SNAP25: variants seen among roughly 807,000 people sequenced by gnomAD.
SNAP25 encodes synaptosomal-associated protein 25.
In SNAP25, 3 loss-of-function variants were observed where a neutral mutation model predicts 28.7. The ratio of observed to expected loss-of-function variants is 0.10; its 90% CI spans 0.05 to 0.27. SNAP25 has a LOEUF of 0.27. SNAP25 is among the 10% of genes least tolerant of loss of function. The pLI is 1.00. For synonymous variants in SNAP25, 61 were observed against 88.1 expected, an observed-to-expected ratio of 0.69 and a Z score of 1.72; for missense variants, 117 against 278.7, an observed-to-expected ratio of 0.42 and a Z score of 4.13.
At chr20:10,266,675 ACTTAT>A (rs1196271720) in intron 1 of SNAP25, among the ~76,000 whole-genome samples, 1 of 152,244 alleles carries the variant, frequency 6.6e-6, no homozygotes, top group East Asian at 1.9e-4. Context: ...TGGTAGCAAC[ACTTAT>A]CTTCAATATT....
chr20:10,301,653 C>A (rs2064238930), intron 7 of SNAP25, among the ~76,000 whole-genome samples: 1 of 151,878 alleles, frequency 6.6e-6, no homozygotes, highest in Non-Finnish European at 1.5e-5. Flanking sequence ...TCTCTCATGA[C>A]CCCAACAGCA....
intron 1 of SNAP25, among the ~76,000 whole-genome samples, chr20:10,226,919 C>T (rs80072526): frequency 0.011 from 1,703 of 152,178 alleles, 21 homozygotes; most frequent in South Asian, 0.039. Flanking sequence ...TTCTGCCGCT[C>T]ATGGGAGGAA....
chr20:10,225,877 T>C (rs2062726671), intron 1 of SNAP25, among the ~76,000 whole-genome samples: 1 of 152,102 alleles, frequency 6.6e-6, no homozygotes. Context: ...CCTTTACTGA[T>C]AACAGCAAGT....
At chr20:10,226,915 C>T (rs982040348) in intron 1 of SNAP25, among the ~76,000 whole-genome samples, 166 of 152,156 alleles carry the variant, frequency 1.1e-3, no homozygotes, top group Non-Finnish European at 2.9e-4. Flanking sequence ...CACTTTCTGC[C>T]GCTCATGGGA....
intron 3 of SNAP25, chr20:10,278,045 A>G (rs1003312272): frequency 1.4e-5 from 3 of 214,728 alleles, no homozygotes; most frequent in African/African-American, 6.8e-5. Flanking sequence ...AATTCTTAAT[A>G]TACAAAGGAA....
intron 1 of SNAP25, among the ~76,000 whole-genome samples, chr20:10,246,191 A>G (rs2063124240): frequency 6.6e-6 from 1 of 152,236 alleles, no homozygotes; most frequent in African/African-American, 2.4e-5. Flanking sequence ...TGTTTCAAAG[A>G]CAGGGTCTCA....
At chr20:10,289,358 A>G (rs2063949330) in intron 4 of SNAP25, among the ~76,000 whole-genome samples, 1 of 152,050 alleles carries the variant, frequency 6.6e-6, no homozygotes. Context: ...GCTGAGTTGT[A>G]TGTCTGTTTT....
At chr20:10,259,214 A>G (rs2063369990) in intron 1 of SNAP25, among the ~76,000 whole-genome samples, 1 of 152,208 alleles carries the variant, frequency 6.6e-6, no homozygotes, top group Non-Finnish European at 1.5e-5. Context: ...GTTTTTTGAT[A>G]TGAGATTATC....
chr20:10,294,570 A>G (rs535915839), intron 5 of SNAP25, among the ~76,000 whole-genome samples: 3 of 152,314 alleles, frequency 2.0e-5, no homozygotes, highest in South Asian at 4.1e-4. Flanking sequence ...CAACTTCCAC[A>G]TCTATGAGGA....
intron 1 of SNAP25, chr20:10,219,342 A>G (rs2062578377): frequency 6.6e-6 from 1 of 152,182 alleles, no homozygotes; most frequent in African/African-American, 2.4e-5. Context: ...TAACCCTATT[A>G]TTATGACTGT....
Position 10,306,251 on chromosome 20 carries a change from T to C in SNAP25, c.*54T>C. On this transcript the variant is annotated 3_prime_UTR_variant, in exon 8 of 8. Coordinates refer to ENST00000254976, the MANE Select transcript of SNAP25 (RefSeq NM_130811.4). ...GCTGTCGGGCAAGATAGCTCCTTCA[T>C]GCTTTTCTCATGGTATTATCTAGTA... 9.1e-6 allele frequency: 14 copies of C among 1,539,576 alleles called. No homozygotes were observed. The highest frequency in any genetic ancestry group is 1.7e-4 in the Middle Eastern group (1 of 5,918).
At chr20:10,243,440 T>C (rs1055179380) in intron 1 of SNAP25, among the ~76,000 whole-genome samples, 1 of 152,206 alleles carries the variant, frequency 6.6e-6, no homozygotes, top group African/African-American at 2.4e-5. Context: ...CCAGGACCAA[T>C]CTGGGGCACC....
In SNAP25 at chr20:10,300,016, G is replaced by A. The variant is rs77038625; in HGVS notation, c.552+604G>A. Among the ~76,000 whole-genome samples, 432 of 152,276 alleles carry A rather than the reference G, an allele frequency of 2.8e-3. 2 individuals are homozygous for A. The highest frequency in any genetic ancestry group is 0.01 in the African/African-American group (420 of 41,554). On this transcript the variant is annotated intron_variant, in intron 7 of 7. Transcript: ENST00000254976. ...TTTATAAATGCCAAAGCTTTAATGA[G>A]AATTCAAAAATATCCAGGTTCCATT...
At chr20:10,252,003 T>G (rs1300313716) in intron 1 of SNAP25, among the ~76,000 whole-genome samples, 1 of 152,164 alleles carries the variant, frequency 6.6e-6, no homozygotes. Flanking sequence ...TTCATAAGCT[T>G]GCTTTCTTAT....
intron 1 of SNAP25, among the ~76,000 whole-genome samples, chr20:10,268,870 G>A (rs541926591): frequency 1.5e-3 from 221 of 152,104 alleles, no homozygotes; most frequent in Middle Eastern, 0.01. Flanking sequence ...AGATGTTTCC[G>A]TTTCTGATGC....
chr20:10,267,419 T>C (rs1162361641), intron 1 of SNAP25, among the ~76,000 whole-genome samples: 1 of 152,138 alleles, frequency 6.6e-6, no homozygotes, highest in African/African-American at 2.4e-5. Context: ...GAATCAGTGA[T>C]TTAAAATATA....
chr20:10,255,940 TA>T (rs1470535880), intron 1 of SNAP25, among the ~76,000 whole-genome samples: 3 of 152,154 alleles, frequency 2.0e-5, no homozygotes, highest in African/African-American at 7.2e-5. Context: ...CAACATTATG[TA>T]AAAAAACCTT....
intron 1 of SNAP25, among the ~76,000 whole-genome samples, chr20:10,273,873 C>A (rs1455677860): frequency 1.3e-5 from 2 of 152,324 alleles, no homozygotes; most frequent in East Asian, 3.9e-4. Flanking sequence ...CCTACCCCAT[C>A]GGGCCCTTTG....
chr20:10,285,750 G>A (rs763401152), intron 4 of SNAP25, among the ~76,000 whole-genome samples: 4 of 152,070 alleles, frequency 2.6e-5, no homozygotes, highest in Non-Finnish European at 5.9e-5. Context: ...GAGAGCCCTT[G>A]CATATCAAAG....
Sources: gnomAD v4.1 joint callset for allele counts (sites outside exome capture counted in the v4.1 genomes callset) on GRCh38, gnomAD v4.1.1 for gene constraint, MANE v1.5 for transcripts, NCBI Gene and HGNC (gene_info 2026-07-23, HGNC 2026-07-21) for gene names.